The following PDE6D variants were observed in gnomAD, a reference collection of about 807,000 sequenced individuals.
The protein encoded by PDE6D is retinal rod rhodopsin-sensitive cGMP 3',5'-cyclic phosphodiesterase subunit delta.
Under a neutral mutation model 21.9 loss-of-function variants are expected in PDE6D, and 10 were observed. That is an observed-to-expected ratio of 0.46 (90% CI 0.28 to 0.78). The LOEUF (loss-of-function observed/expected upper bound fraction) is 0.78, where lower values mean the gene tolerates loss of function less well. PDE6D is among the 30% of genes least tolerant of loss of function. The pLI is 0.12. For missense variants in PDE6D, 139 were observed against 184.8 expected (o/e 0.75, Z 1.44); for synonymous variants, 59 against 63.5 (o/e 0.93, Z 0.34).
intron 1 of PDE6D, among the ~76,000 whole-genome samples, chr2:231,775,014 G>A (rs2049043772): frequency 6.6e-6 from 1 of 151,974 alleles, no homozygotes. Flanking sequence ...CTGGGTTCAA[G>A]CAATTGTCCT....
At chr2:231,735,053 TAACATGGTGA>T in intron 4 of PDE6D, among the ~76,000 whole-genome samples, 1 of 149,044 alleles carries the variant, frequency 6.7e-6, no homozygotes, top group South Asian at 2.1e-4. Context: ...CCATCCTGGC[TAACATGGTGA>T]AACCCCGTCT....
intron 1 of PDE6D, among the ~76,000 whole-genome samples, chr2:231,753,142 A>G (rs1280706456): frequency 2.0e-5 from 3 of 149,772 alleles, no homozygotes; most frequent in Non-Finnish European, 4.4e-5. Context: ...TCTCTTTTAT[A>G]TTACTGGTCC....
intron 2 of PDE6D, among the ~76,000 whole-genome samples, 167 bp downstream of exon 2, chr2:231,738,919 CAAAAAAAAAAAAAA>C (rs1157734125): frequency 9.6e-5 from 6 of 62,658 alleles, no homozygotes; most frequent in Middle Eastern, 9.4e-3. Flanking sequence ...GACTGTGTCT[CAAAAAAAAAAAAAA>C]AAAAAAAAAA....
At chr2:231,752,235 TGA>T (rs1448648353) in intron 1 of PDE6D, among the ~76,000 whole-genome samples, 1 of 133,416 alleles carries the variant, frequency 7.5e-6, no homozygotes, top group East Asian at 1.9e-4. Context: ...AAGGAAAAGC[TGA>T]GAGAGGGGAA....
At position 231,739,048 on chromosome 2, in the gene PDE6D, T is replaced by G; in HGVS notation, c.139+52A>C. 8.7e-7 allele frequency: 1 copy of G among 1,145,336 alleles called. No individual in the cohort carries two copies. 70.9% of individuals were successfully genotyped at this position (1,145,336 alleles called of 1,614,324 possible). On this transcript the variant is annotated intron_variant, in intron 2 of 4. Transcript: ENST00000287600. The surrounding 1 kb of genome is among the most constrained non-coding windows in gnomAD (Gnocchi z 4.2). Reference sequence around the variant, plus strand: ...TTAACTTAGCTCTCTTATGCTCAGGTGCTAGTCTGGCATTGGTCACAGCCC... The same window carrying G: ...TTAACTTAGCTCTCTTATGCTCAGGGGCTAGTCTGGCATTGGTCACAGCCC...
chr2:231,748,598 CTAA>C (rs1198303262), intron 1 of PDE6D, among the ~76,000 whole-genome samples: 10 of 152,188 alleles, frequency 6.6e-5, no homozygotes, highest in Admixed American at 1.3e-4. Context: ...AGCAAGGAGC[CTAA>C]TGTTAATCCC....
At chr2:231,768,148 T>C (rs2048987315) in intron 1 of PDE6D, among the ~76,000 whole-genome samples, 1 of 152,072 alleles carries the variant, frequency 6.6e-6, no homozygotes, top group African/African-American at 2.4e-5. Flanking sequence ...TCTGCCACTA[T>C]CTATTATTCT....
At chr2:231,775,531 T>C (rs1285777617) in intron 1 of PDE6D, among the ~76,000 whole-genome samples, 152 of 141,856 alleles carry the variant, frequency 1.1e-3, no homozygotes, top group African/African-American at 3.7e-3. Context: ...CCATGTTGCC[T>C]AGGCTGGTCT....
In PDE6D at chr2:231,739,378, T is replaced by C; in HGVS notation, c.51-190A>G. 1.4e-6 allele frequency: 1 copy of C among 711,974 alleles called. No individual in the cohort carries two copies. The highest frequency in any genetic ancestry group is 2.7e-5 in the East Asian group (1 of 37,404). The allele number at this position is 711,974 out of a possible 1,614,324, so 44.1% of individuals were successfully genotyped here. A position where few individuals can be genotyped will look rare whatever the true frequency, so the allele number is the denominator to read the frequency against. On this transcript the variant is annotated intron_variant, in intron 1 of 4. Transcript: ENST00000287600. The surrounding 1 kb of genome is among the most constrained non-coding windows in gnomAD (Gnocchi z 4.2). ...ACATCTAAAGGAAGAAGCAGAAACCTAGAGAAGTTACTTTTATCTATGAGA... is the reference window on the plus strand; with the variant it reads ...ACATCTAAAGGAAGAAGCAGAAACCCAGAGAAGTTACTTTTATCTATGAGA...
intron 1 of PDE6D, among the ~76,000 whole-genome samples, chr2:231,758,537 T>TG (rs1414832720): frequency 1.3e-5 from 2 of 152,186 alleles, no homozygotes; most frequent in South Asian, 2.1e-4. Context: ...TAGAATCACT[T>TG]GGGGAACTTC....
rs1037336805 is a variant in PDE6D, at chr2:231,781,212, G to A, written c.-98C>T. 10 of 1,215,318 alleles carry A rather than the reference G, an allele frequency of 8.2e-6. No individual in the cohort carries two copies. Among genetic ancestry groups the A allele is most frequent in the Non-Finnish European group, 9.6e-6 (8 of 833,612 alleles). The allele number at this position is 1,215,318 out of a possible 1,614,324, so 75.3% of individuals were successfully genotyped here. ...GGATGGAGCCGCAGCCCGGCTTGGA[G>A]ACCTCGGGCTAGCAGCCGCAGCGGC... On this transcript the variant is annotated 5_prime_UTR_variant, in exon 1 of 5. Transcript: ENST00000287600.
chr2:231,739,361 AG>A lies in PDE6D; in HGVS notation c.51-174del. ...TGAGGAGAGTCAAAAAGACATCTAA[AG>A]GAAGAAGCAGAAACCTAGAGAAGTT... On this transcript the variant is annotated intron_variant, in intron 1 of 4. Coordinates refer to ENST00000287600, the MANE Select transcript of PDE6D (RefSeq NM_002601.4). The surrounding 1 kb of genome is among the most constrained non-coding windows in gnomAD (Gnocchi z 4.2). 1.4e-6 allele frequency: 1 copy of A among 733,834 alleles called. No homozygotes were observed. The highest frequency in any genetic ancestry group is 2.5e-6 in the Non-Finnish European group (1 of 397,954). 45.5% of individuals were successfully genotyped at this position (733,834 alleles called of 1,614,324 possible).
At chr2:231,780,819 TCCC>T (rs1191306602) in intron 1 of PDE6D, among the ~76,000 whole-genome samples, 1 of 151,246 alleles carries the variant, frequency 6.6e-6, no homozygotes, top group Non-Finnish European at 1.5e-5. Flanking sequence ...TCCCCCAGGC[TCCC>T]CCGTCTCCAC....
intron 1 of PDE6D, among the ~76,000 whole-genome samples, chr2:231,759,853 A>C (rs2048912200): frequency 1.3e-5 from 2 of 152,158 alleles, no homozygotes; most frequent in African/African-American, 4.8e-5. Context: ...CTTCTTGGCA[A>C]TATCCTTCTG....
intron 1 of PDE6D, among the ~76,000 whole-genome samples, chr2:231,752,786 TTAGA>T (rs890064570): frequency 1.3e-4 from 19 of 150,222 alleles, no homozygotes; most frequent in African/African-American, 4.6e-4. Flanking sequence ...ATATTAAATA[TTAGA>T]TAGATATATA....
At chr2:231,742,284 G>A (rs2048755858) in intron 1 of PDE6D, among the ~76,000 whole-genome samples, 1 of 152,058 alleles carries the variant, frequency 6.6e-6, no homozygotes, top group Non-Finnish European at 1.5e-5. Context: ...ACCATGCCCG[G>A]CTAATTTTTG....
chr2:231,736,432 G>A (rs1448536795), intron 4 of PDE6D, among the ~76,000 whole-genome samples: 1 of 152,108 alleles, frequency 6.6e-6, no homozygotes, highest in Non-Finnish European at 1.5e-5. Context: ...TCCTATCTCA[G>A]CTTCTTGAGT....
At chr2:231,778,911 A>G (rs1378129153) in intron 1 of PDE6D, 1 of 152,232 alleles carries the variant, frequency 6.6e-6, no homozygotes, top group East Asian at 1.9e-4. Flanking sequence ...GGGAGAACAT[A>G]ATGGTGCTCT....
intron 1 of PDE6D, among the ~76,000 whole-genome samples, chr2:231,765,116 A>G (rs1198348884): frequency 6.6e-6 from 1 of 152,034 alleles, no homozygotes; most frequent in Admixed American, 6.5e-5. Context: ...AAAAAAAAAA[A>G]AAAGACAAAT....
Sources: allele counts gnomAD v4.1 joint callset (sites outside exome capture counted in the v4.1 genomes callset), GRCh38; gene constraint gnomAD v4.1.1; non-coding constraint Gnocchi (gnomAD v3.1); transcripts MANE v1.5; gene names NCBI Gene and HGNC (gene_info 2026-07-23, HGNC 2026-07-21).